Variants in MAB21L3 observed in about 807,000 individuals in gnomAD.
MAB21L3 encodes the protein mab-21 like 3, also known as protein mab-21-like 3.
Under a neutral mutation model 37.7 loss-of-function variants are expected in MAB21L3, and 36 were observed. The observed-to-expected ratio is 0.96, with a 90% CI of 0.73 to 1.26. The LOEUF is 1.26. Among genes scored for constraint, MAB21L3 ranks in the 50% most tolerant of loss-of-function variants. The pLI is 0.00. For synonymous variants in MAB21L3, 186 were observed against 176.8 expected, an observed-to-expected ratio of 1.05 and a Z score of -0.41; for missense variants, 430 against 447.3, an observed-to-expected ratio of 0.96 and a Z score of 0.35.
At chr1:116,125,212 G>T (rs1227344989) in intron 5 of MAB21L3, among the ~76,000 whole-genome samples, 3 of 152,152 alleles carry the variant, frequency 2.0e-5, no homozygotes, top group Non-Finnish European at 2.9e-5. Flanking sequence ...GGTGAAATGG[G>T]TATTCTCATG....
chr1:116,121,215 T>A, intron 4 of MAB21L3, 143 bp downstream of exon 4: 1 of 904,946 alleles, frequency 1.1e-6, no homozygotes, highest in Non-Finnish European at 1.7e-6. Context: ...GTTTTTACTA[T>A]TTACAGTCTC....
At position 116,127,702 on chromosome 1, in the gene MAB21L3, A is replaced by C. The variant is rs1442424935; in HGVS notation, c.660+58A>C. ...AGTGATGCCAACAGCTTAACCAGTCACAGCATTACTGACTGCCAATGAGTT... is the reference window on the plus strand; with the variant it reads ...AGTGATGCCAACAGCTTAACCAGTCCCAGCATTACTGACTGCCAATGAGTT... On this transcript the variant is annotated intron_variant, in intron 6 of 7. Coordinates refer to ENST00000369500, the MANE Select transcript of MAB21L3 (RefSeq NM_152367.3). 2.0e-6 allele frequency: 3 copies of C among 1,508,842 alleles called. No individual in the cohort carries two copies. In the African/African-American group the frequency reaches 4.2e-5, roughly 21 times the overall value. The allele number at this position is 1,508,842 out of a possible 1,614,324, so 93.5% of individuals were successfully genotyped here.
intron 3 of MAB21L3, among the ~76,000 whole-genome samples, chr1:116,117,242 C>T (rs1352589806): frequency 5.5e-5 from 8 of 144,870 alleles, no homozygotes; most frequent in Non-Finnish European, 8.9e-5. Context: ...GAATTACATC[C>T]GTGGGGCTGG....
chr1:116,113,625 C>T (rs536115390), intron 3 of MAB21L3, among the ~76,000 whole-genome samples: 39 of 152,262 alleles, frequency 2.6e-4, no homozygotes, highest in Non-Finnish European at 5.3e-4. Context: ...AAACAGTGTT[C>T]GACACGTTGA....
In MAB21L3 at chr1:116,127,579, A is replaced by C; in HGVS notation, c.595A>C (p.Lys199Gln). Residue 199 changes from lysine to glutamine, a missense_variant, in exon 6 of 8, where the codon AAG becomes CAG. Physicochemically the swap from Lys to Gln is moderately conservative, Grantham distance 53. Transcript: ENST00000369500. ...AGTGGAGATCCCCACCACCTGGTCCAAGAAAGCCCGGTGGCCTCGATGTCT... is the reference window on the plus strand; with the variant it reads ...AGTGGAGATCCCCACCACCTGGTCCCAGAAAGCCCGGTGGCCTCGATGTCT... The part of the protein sequence containing the change: ...PAVEIPTTWS[K>Q]KARWPRCLQR... 1 of 1,614,182 alleles carries C rather than the reference A, an allele frequency of 6.2e-7. No individual in the cohort carries two copies. The highest frequency in any genetic ancestry group is 8.5e-7 in the Non-Finnish European group (1 of 1,180,030).
At chr1:116,125,976 AAGGTTTATG>A (rs1317429141) in intron 5 of MAB21L3, among the ~76,000 whole-genome samples, 3 of 152,222 alleles carry the variant, frequency 2.0e-5, no homozygotes, top group African/African-American at 7.2e-5. Context: ...CAGAATGGGC[AAGGTTTATG>A]AGGCGCTTTT....
chr1:116,123,188 C>T (rs1570807221), intron 4 of MAB21L3, among the ~76,000 whole-genome samples: 1 of 152,210 alleles, frequency 6.6e-6, no homozygotes, highest in Admixed American at 6.5e-5. Flanking sequence ...TGTTTACCCA[C>T]TTGTTCTACC....
rs1660172570 is a variant in MAB21L3, at chr1:116,135,045, C to T, written c.*1680C>T. On this transcript the variant is annotated 3_prime_UTR_variant, in exon 8 of 8. Transcript: ENST00000369500. ...CGGCAGGAAAGATCCAAAATTGACA[C>T]CCTAACATCACAATTAAAAGAACTA... is the stretch of plus-strand genomic sequence containing the variant. 6.6e-6 allele frequency: 1 copy of T among 151,940 alleles called. No individual in the cohort carries two copies. The highest frequency in any genetic ancestry group is 2.4e-5 in the African/African-American group (1 of 41,338). The allele number at this position is 151,940 out of a possible 1,614,324, so 9.4% of individuals were successfully genotyped here.
At position 116,133,453 on chromosome 1, in the gene MAB21L3, C is replaced by T. The variant is rs999051321; in HGVS notation, c.*88C>T. 15 of 1,255,100 alleles carry T rather than the reference C, an allele frequency of 1.2e-5. No individual in the cohort carries two copies. The highest frequency in any genetic ancestry group is 2.3e-6 in the Non-Finnish European group (2 of 878,652). 77.7% of individuals were successfully genotyped at this position (1,255,100 alleles called of 1,614,324 possible). A position where few individuals can be genotyped will look rare whatever the true frequency, so the allele number is the denominator to read the frequency against. On this transcript the variant is annotated 3_prime_UTR_variant, in exon 8 of 8. Transcript: ENST00000369500. ...GGTTCCTCAGTCAGGTGCCAGGATC[C>T]TGCCTAGGAGAAAGGCCACGAATGG... is the stretch of plus-strand genomic sequence containing the variant.
At chr1:116,127,402 GT>G in intron 5 of MAB21L3, 63 bp from the exon 6 acceptor site, 1 of 1,524,342 alleles carries the variant, frequency 6.6e-7, no homozygotes, top group South Asian at 1.3e-5. Context: ...CAAATTTCTT[GT>G]TTGAACGCTT....
intron 4 of MAB21L3, 155 bp from the exon 5 acceptor site, chr1:116,123,911 G>A (rs910744575): frequency 4.5e-6 from 3 of 667,646 alleles, no homozygotes; most frequent in African/African-American, 1.8e-5. Flanking sequence ...TAATCCACTT[G>A]TAACACCCAG....
chr1:116,115,270 TG>T (rs1659556317), intron 3 of MAB21L3, among the ~76,000 whole-genome samples: 1 of 152,196 alleles, frequency 6.6e-6, no homozygotes, highest in Non-Finnish European at 1.5e-5. Flanking sequence ...CTGCTACATT[TG>T]GGGGCTGCAA....
chr1:116,123,396 C>T (rs1018516032), intron 4 of MAB21L3, among the ~76,000 whole-genome samples: 2 of 151,940 alleles, frequency 1.3e-5, no homozygotes, highest in Non-Finnish European at 2.9e-5. Context: ...CATAGGTCAT[C>T]AGTACAGGCC....
chr1:116,115,606 G>A (rs1659567105), intron 3 of MAB21L3, among the ~76,000 whole-genome samples: 1 of 152,170 alleles, frequency 6.6e-6, no homozygotes, highest in South Asian at 2.1e-4. Context: ...GTGTGATCAG[G>A]CCTGTGTGAC....
intron 3 of MAB21L3, among the ~76,000 whole-genome samples, chr1:116,117,204 G>A (rs1266633526): frequency 8.5e-6 from 1 of 117,332 alleles, no homozygotes; most frequent in Admixed American, 9.4e-5. Context: ...TATAGTCACT[G>A]CTATGTTACT....
chr1:116,114,942 G>C (rs1659546288), intron 3 of MAB21L3, among the ~76,000 whole-genome samples: 1 of 152,176 alleles, frequency 6.6e-6, no homozygotes, highest in Non-Finnish European at 1.5e-5. Flanking sequence ...TCCAGGCTAA[G>C]GGAACCCCGT....
rs1475292550 is a variant in MAB21L3, at chr1:116,128,289, G to A, written c.805G>A (p.Asp269Asn). 4 of 1,614,018 alleles carry A rather than the reference G, an allele frequency of 2.5e-6. No individual in the cohort carries two copies. In the South Asian group the frequency reaches 4.4e-5, roughly 18 times the overall value. The change falls in exon 7 of 8, where the codon GAC becomes AAC. Residue 269 changes from aspartate to asparagine, a missense_variant. Coordinates refer to ENST00000369500, the MANE Select transcript of MAB21L3 (RefSeq NM_152367.3). ...TCAGGTCATGAGGCACCTGAAGGAG[G>A]ACATCTGGTGCCCAGGGAACAGGCC... ...CFQVMRHLKE[D>N]IWCPGNRPVI... is the part of the protein sequence containing the mutation.
At position 116,124,147 on chromosome 1, in the gene MAB21L3, C is replaced by T. The variant is rs201318222; in HGVS notation, c.271C>T (p.Arg91Trp). The T allele has an allele frequency of 4.8e-5, 78 of 1,614,068 alleles. No homozygotes were observed. Among genetic ancestry groups the T allele is most frequent in the South Asian group, 8.8e-5 (8 of 91,090 alleles). Residue 91 changes from arginine (R) to tryptophan (W), a missense_variant, in exon 5 of 8, where the codon CGG becomes TGG. By Grantham distance (101) the Arg-to-Trp change is moderately radical (BLOSUM62 -3). Coordinates refer to ENST00000369500, the MANE Select transcript of MAB21L3 (RefSeq NM_152367.3). ...CAGGGAGGCCAGGGAGCAGCACTGG[C>T]GGTACTACACACTGCAGGGCACCAG... ...GYREAREQHWRYYTLQGTRLP... is the reference protein window; with the variant it reads ...GYREAREQHWWYYTLQGTRLP...
Position 116,134,306 on chromosome 1 carries a change from C to G in MAB21L3, c.*941C>G, listed in dbSNP as rs1214921185. ...CACTCACTCATTGACAAATAATGCT[C>G]ATTAGGCACCGGGAACACAGCAAAG... On this transcript the variant is annotated 3_prime_UTR_variant, in exon 8 of 8. Transcript: ENST00000369500. The G allele has an allele frequency of 6.6e-6, 1 of 152,232 alleles. No homozygotes were observed. The highest frequency in any genetic ancestry group is 6.5e-5 in the Admixed American group (1 of 15,284). The allele number at this position is 152,232 out of a possible 1,614,324, so 9.4% of individuals were successfully genotyped here. A position where few individuals can be genotyped will look rare whatever the true frequency, so the allele number is the denominator to read the frequency against.
Sources: gnomAD v4.1 joint callset for allele counts (sites outside exome capture counted in the v4.1 genomes callset) on GRCh38, gnomAD v4.1.1 for gene constraint, MANE v1.5 for transcripts, NCBI Gene and HGNC (gene_info 2026-07-23, HGNC 2026-07-21) for gene names.